Variants in CYRIB observed in about 807,000 individuals in gnomAD.
CYRIB encodes CYFIP-related Rac1 interactor B.
CYRIB carries 8 observed loss-of-function variants against 44.2 expected under a neutral mutation model. The ratio of observed to expected loss-of-function variants is 0.18; its 90% confidence interval spans 0.11 to 0.33. CYRIB has a LOEUF of 0.33. CYRIB is among the 10% of genes least tolerant of loss of function. The pLI is 1.00. For synonymous variants in CYRIB, 131 were observed against 127.2 expected (o/e 1.03, Z -0.20); for missense variants, 185 against 382.8 (o/e 0.48, Z 4.31).
At chr8:129,855,061 G>T (rs1196634084) in intron 6 of CYRIB, among the ~76,000 whole-genome samples, 1 of 152,140 alleles carries the variant, frequency 6.6e-6, no homozygotes, top group Non-Finnish European at 1.5e-5. Flanking sequence ...AAAAACGGGG[G>T]TAGAGGGTGT....
At position 129,887,518 on chromosome 8, in the gene CYRIB, G is replaced by A. The variant is rs78618147; in HGVS notation, c.-10-8047C>T. On this transcript the variant is annotated intron_variant, in intron 2 of 11. Coordinates refer to ENST00000519824, the Ensembl canonical transcript of CYRIB. ...CTGAGGCACTGCCTAACATAGCTGC[G>A]AGAAGGGGGCCACCATGCTCCAGAC... Among the ~76,000 whole-genome samples the A allele has an allele frequency of 8.2e-3, 1,251 of 152,310 alleles. 20 individuals are homozygous for A. The highest frequency in any genetic ancestry group is 0.029 in the African/African-American group (1,207 of 41,552).
intron 1 of CYRIB, among the ~76,000 whole-genome samples, chr8:129,973,476 C>T (rs2095796688): frequency 6.6e-6 from 1 of 152,218 alleles, no homozygotes; most frequent in South Asian, 2.1e-4. Flanking sequence ...CCCTCCCAGC[C>T]CTCAAGGCAG....
At chr8:129,881,513 A>C (rs2060798984) in intron 2 of CYRIB, among the ~76,000 whole-genome samples, 1 of 152,218 alleles carries the variant, frequency 6.6e-6, no homozygotes, top group South Asian at 2.1e-4. Context: ...CCTACTCTCC[A>C]ACATCAGCAT....
At chr8:129,920,765 G>T (rs1189173016) in intron 1 of CYRIB, among the ~76,000 whole-genome samples, 2 of 152,186 alleles carry the variant, frequency 1.3e-5, no homozygotes, top group African/African-American at 4.8e-5. Flanking sequence ...GTACAGTTTA[G>T]AAATTCCCCT....
At position 130,006,614 on chromosome 8, in the gene CYRIB, ATG is replaced by A. The variant is rs1285074738; in HGVS notation, c.-296+9754_-296+9755del. On this transcript the variant is annotated intron_variant, in intron 1 of 14. Coordinates refer to the CYRIB transcript ENST00000401979. Reference sequence around the variant, plus strand: ...ACAAATTATATATATATACATATATATGTGTATATATATACATATATATGTGT... The same window carrying A: ...ACAAATTATATATATATACATATATATGTATATATATACATATATATGTGT... Among the ~76,000 whole-genome samples, 70 of 16,622 alleles carry A rather than the reference ATG, an allele frequency of 4.2e-3. 19 individuals carry two copies. The highest frequency in any genetic ancestry group is 0.029 in the South Asian group (7 of 238). 10.9% of individuals were successfully genotyped at this position (16,622 alleles called of 152,430 possible). A position where few individuals can be genotyped will look rare whatever the true frequency, so the allele number is the denominator to read the frequency against.
At chr8:130,002,821 G>C (rs1027995912) in intron 1 of CYRIB, among the ~76,000 whole-genome samples, 1 of 152,214 alleles carries the variant, frequency 6.6e-6, no homozygotes, top group Non-Finnish European at 1.5e-5. Context: ...GAGCTAGCCA[G>C]GTGCGGTGGC....
chr8:129,888,012 T>C (rs1029695990), intron 2 of CYRIB, among the ~76,000 whole-genome samples: 3 of 152,196 alleles, frequency 2.0e-5, no homozygotes, highest in Non-Finnish European at 4.4e-5. Flanking sequence ...GGGCTGATTA[T>C]ATTTTGCAAT....
chr8:130,015,995 G>C lies in CYRIB; in HGVS notation c.-296+375C>G, dbSNP rs1337948838. ...GCACCGACACCCGGCTCGCAGGAAG[G>C]GTCTGCCAGGGACCAGCCACCCCGA... On this transcript the variant is annotated intron_variant, in intron 1 of 14. Transcript: ENST00000401979. Among the ~76,000 whole-genome samples the C allele has an allele frequency of 5.3e-5, 8 of 152,034 alleles. No individual in the cohort carries two copies. In the East Asian group the frequency reaches 1.2e-3, roughly 22 times the overall value.
At chr8:129,857,498 C>A (rs774783860) in intron 5 of CYRIB, among the ~76,000 whole-genome samples, 3 of 152,190 alleles carry the variant, frequency 2.0e-5, no homozygotes, top group Non-Finnish European at 4.4e-5. Context: ...GTAACCAGGA[C>A]TAAGATGATT....
At chr8:129,913,023 G>T (rs1340292600) in intron 1 of CYRIB, among the ~76,000 whole-genome samples, 1 of 147,966 alleles carries the variant, frequency 6.8e-6, no homozygotes, top group Non-Finnish European at 1.5e-5. Context: ...CCAGGCTGGA[G>T]TGCAGTGGCA....
At chr8:129,841,956 TA>T (rs2036539604) in exon 12 of CYRIB, 2 of 573,182 alleles carry the variant, frequency 3.5e-6, no homozygotes, top group Admixed American at 3.1e-5. Context: ...CTTCAGAGTG[TA>T]ACTTTACTGA....
chr8:129,906,703 T>C lies in CYRIB; in HGVS notation c.-49-3353A>G, dbSNP rs2075586725. On this transcript the variant is annotated intron_variant, in intron 1 of 11. Transcript: ENST00000519824. ...GGAGAAAATTTTTGCAATCTACTCA[T>C]CTGACAAAGGGCTAATATCCAGAAT... is the stretch of plus-strand genomic sequence containing the variant. Among the ~76,000 whole-genome samples, 3 of 152,130 alleles carry C rather than the reference T, an allele frequency of 2.0e-5. No individual in the cohort carries two copies. In the South Asian group the frequency reaches 6.2e-4, roughly 31 times the overall value.
At chr8:130,005,262 G>GA (rs1401824926) in intron 1 of CYRIB, among the ~76,000 whole-genome samples, 1 of 152,116 alleles carries the variant, frequency 6.6e-6, no homozygotes, top group Non-Finnish European at 1.5e-5. Context: ...GGAACCAGCG[G>GA]AAAATCAGCC....
At chr8:129,924,131 G>A (rs1231234610) in intron 1 of CYRIB, among the ~76,000 whole-genome samples, 1 of 144,998 alleles carries the variant, frequency 6.9e-6, no homozygotes, top group African/African-American at 2.6e-5. Flanking sequence ...AAAAAAATTA[G>A]CCAGGTGTGG....
chr8:129,919,460 CAT>C (rs996428422), intron 1 of CYRIB, among the ~76,000 whole-genome samples: 3 of 152,166 alleles, frequency 2.0e-5, no homozygotes, highest in African/African-American at 7.2e-5. Context: ...TCATAAAGCT[CAT>C]AGTCTATGAG....
intron 1 of CYRIB, among the ~76,000 whole-genome samples, chr8:129,930,070 G>A (rs1194856753): frequency 6.6e-6 from 1 of 151,818 alleles, no homozygotes; most frequent in East Asian, 1.9e-4. Flanking sequence ...AATTCGCCGG[G>A]CGTGGTGGCG....
At chr8:129,955,560 T>A (rs1316079004) in intron 2 of CYRIB, among the ~76,000 whole-genome samples, 1 of 152,184 alleles carries the variant, frequency 6.6e-6, no homozygotes, top group Non-Finnish European at 1.5e-5. Flanking sequence ...GTAACTTATT[T>A]CCTCATTTTA....
intron 2 of CYRIB, among the ~76,000 whole-genome samples, chr8:129,884,177 T>A (rs1053468299): frequency 6.6e-6 from 1 of 152,182 alleles, no homozygotes; most frequent in Non-Finnish European, 1.5e-5. Flanking sequence ...CCTAGTTTTT[T>A]TAAACTAATA....
At chr8:129,929,249 A>T (rs1470496208) in intron 1 of CYRIB, among the ~76,000 whole-genome samples, 2 of 152,024 alleles carry the variant, frequency 1.3e-5, no homozygotes, top group Non-Finnish European at 2.9e-5. Flanking sequence ...TGAGGGAGAG[A>T]GTGTGAGAAG....
Sources: gnomAD v4.1 joint callset for allele counts (sites outside exome capture counted in the v4.1 genomes callset) on GRCh38, gnomAD v4.1.1 for gene constraint, MANE v1.5 for transcripts, NCBI Gene and HGNC (gene_info 2026-07-23, HGNC 2026-07-21) for gene names.